TMEM132B: variants seen among roughly 807,000 people sequenced by gnomAD.
The protein encoded by TMEM132B is transmembrane protein 132B.
Under a neutral mutation model 90.8 loss-of-function variants are expected in TMEM132B, and 18 were observed. That is an observed-to-expected ratio of 0.20 (90% CI 0.14 to 0.29). TMEM132B has a LOEUF of 0.29. Among genes scored for constraint, TMEM132B ranks in the 10% least tolerant of loss-of-function variants. The probability of loss-of-function intolerance (pLI) is 1.00; values close to 1 mark genes in which losing one functional copy is unlikely to be tolerated. For synonymous variants in TMEM132B, 504 were observed against 523.3 expected (o/e 0.96, Z 0.50); for missense variants, 1,096 against 1,326.8 (o/e 0.83, Z 2.70).
intron 5 of TMEM132B, among the ~76,000 whole-genome samples, chr12:125,625,851 G>T (rs1190611948): frequency 1.3e-5 from 2 of 152,132 alleles, no homozygotes; most frequent in African/African-American, 4.8e-5. Context: ...ATTCTAATGA[G>T]CTTGTAGTGT....
intron 4 of TMEM132B, among the ~76,000 whole-genome samples, chr12:125,579,972 C>A (rs1366665419): frequency 5.3e-5 from 8 of 152,090 alleles, no homozygotes; most frequent in African/African-American, 1.9e-4. Flanking sequence ...TGCTTAGTGA[C>A]TTTTATAAAC....
intron 4 of TMEM132B, among the ~76,000 whole-genome samples, chr12:125,533,423 C>T (rs965827944): frequency 1.3e-5 from 2 of 152,218 alleles, no homozygotes; most frequent in Non-Finnish European, 2.9e-5. Context: ...TTCCCAGGGC[C>T]CTCCAGCTGC....
chr12:125,612,533 G>C (rs1885858568), intron 5 of TMEM132B, among the ~76,000 whole-genome samples: 1 of 141,262 alleles, frequency 7.1e-6, no homozygotes, highest in African/African-American at 2.6e-5. Flanking sequence ...TATTTATTTT[G>C]TACAACATGA....
chr12:125,429,155 A>G (rs1262379983), intron 3 of TMEM132B, among the ~76,000 whole-genome samples: 1 of 151,730 alleles, frequency 6.6e-6, no homozygotes, highest in East Asian at 1.9e-4. Flanking sequence ...CATTAACTAG[A>G]GTCCATAGTT....
At chr12:125,194,977 T>C (rs1251732764) in intron 1 of TMEM132B, among the ~76,000 whole-genome samples, 6 of 152,182 alleles carry the variant, frequency 3.9e-5, no homozygotes, top group Non-Finnish European at 7.3e-5. Flanking sequence ...CTGTCAATAT[T>C]ACTATACAGG....
intron 1 of TMEM132B, among the ~76,000 whole-genome samples, chr12:125,192,621 G>A (rs1490490557): frequency 6.6e-6 from 1 of 152,174 alleles, no homozygotes; most frequent in African/African-American, 2.4e-5. Flanking sequence ...GGGATTATAG[G>A]TGTTGAGCCA....
chr12:125,453,544 C>G (rs1323198753), intron 3 of TMEM132B, among the ~76,000 whole-genome samples: 3 of 152,076 alleles, frequency 2.0e-5, no homozygotes. Flanking sequence ...TCAGTATTGC[C>G]TAAGGCCTTT....
At chr12:125,242,390 A>G (rs561988128) in intron 1 of TMEM132B, among the ~76,000 whole-genome samples, 9 of 152,276 alleles carry the variant, frequency 5.9e-5, no homozygotes, top group South Asian at 2.1e-4. Flanking sequence ...AACTCAAGCA[A>G]TCCTCCCACC....
chr12:125,319,848 C>A (rs1318953678), intron 1 of TMEM132B, among the ~76,000 whole-genome samples: 3 of 151,984 alleles, frequency 2.0e-5, no homozygotes, highest in African/African-American at 7.3e-5. Flanking sequence ...GACCCTGTCT[C>A]TATAAAAAGT....
intron 5 of TMEM132B, among the ~76,000 whole-genome samples, chr12:125,622,001 G>A (rs1886124769): frequency 6.6e-6 from 1 of 152,144 alleles, no homozygotes; most frequent in East Asian, 1.9e-4. Context: ...TGAAGAATCA[G>A]GATCTCTCTG....
chr12:125,632,935 T>C (rs1393507892), intron 5 of TMEM132B, among the ~76,000 whole-genome samples: 2 of 152,130 alleles, frequency 1.3e-5, no homozygotes, highest in Admixed American at 1.3e-4. Context: ...GACTTTTTTT[T>C]GTAGGTTTGA....
chr12:125,455,901 G>A (rs1210466574), intron 3 of TMEM132B, among the ~76,000 whole-genome samples: 1 of 152,206 alleles, frequency 6.6e-6, no homozygotes, highest in Non-Finnish European at 1.5e-5. Flanking sequence ...GTAAAGAGAT[G>A]TGGAGTAGAC....
chr12:125,572,644 A>G (rs961345767), intron 4 of TMEM132B, among the ~76,000 whole-genome samples: 5 of 152,214 alleles, frequency 3.3e-5, no homozygotes, highest in Non-Finnish European at 7.3e-5. Context: ...TTTGAAGTTA[A>G]TGTTTCTTTC....
At chr12:125,234,021 C>T (rs1254933870) in intron 1 of TMEM132B, among the ~76,000 whole-genome samples, 1 of 152,150 alleles carries the variant, frequency 6.6e-6, no homozygotes, top group Admixed American at 6.5e-5. Flanking sequence ...TTGTCTTTCC[C>T]ACTGGACACC....
intron 1 of TMEM132B, among the ~76,000 whole-genome samples, chr12:125,250,297 C>T (rs1203850402): frequency 6.6e-6 from 1 of 152,244 alleles, no homozygotes; most frequent in African/African-American, 2.4e-5. Context: ...GCTCATTTAC[C>T]TGCAATAAGT....
intron 1 of TMEM132B, among the ~76,000 whole-genome samples, chr12:125,324,097 C>T (rs1876497255): frequency 6.6e-6 from 1 of 152,144 alleles, no homozygotes; most frequent in African/African-American, 2.4e-5. Context: ...AAAAATGACC[C>T]AACTTCAGAT....
At position 125,295,319 on chromosome 12, in the gene TMEM132B, C is replaced by T. The variant is rs146932477; in HGVS notation, c.68-54133C>T. ...TCCAGCCAGGGATCTATGAGATGTTCGAGGGAAGGTCTGTGAGCGTCTCCT... is the reference window on the plus strand; with the variant it reads ...TCCAGCCAGGGATCTATGAGATGTTTGAGGGAAGGTCTGTGAGCGTCTCCT... On this transcript the variant is annotated intron_variant, in intron 1 of 8. Coordinates refer to ENST00000682704, the MANE Select transcript of TMEM132B (RefSeq NM_001366854.1). Among the ~76,000 whole-genome samples, 1,225 of 152,144 alleles carry T rather than the reference C, an allele frequency of 8.1e-3. 10 individuals carry two copies. Among genetic ancestry groups the T allele is most frequent in the Middle Eastern group, 0.017 (5 of 294 alleles).
At chr12:125,299,877 T>C (rs940493390) in intron 1 of TMEM132B, among the ~76,000 whole-genome samples, 2 of 152,204 alleles carry the variant, frequency 1.3e-5, no homozygotes, top group African/African-American at 4.8e-5. Context: ...CACACAGAGC[T>C]TGTGGGGTTC....
At chr12:125,288,583 T>C (rs973600923) in intron 1 of TMEM132B, among the ~76,000 whole-genome samples, 5 of 152,208 alleles carry the variant, frequency 3.3e-5, no homozygotes, top group Non-Finnish European at 7.3e-5. Flanking sequence ...GCTTTTTTGT[T>C]ACTATGGGCA....
Sources: allele counts gnomAD v4.1 joint callset (sites outside exome capture counted in the v4.1 genomes callset), GRCh38; gene constraint gnomAD v4.1.1; transcripts MANE v1.5; gene names NCBI Gene and HGNC (gene_info 2026-07-23, HGNC 2026-07-21).